Variants in LRMDA observed in about 807,000 individuals in gnomAD.
The protein encoded by LRMDA is leucine-rich melanocyte differentiation-associated protein.
A neutral mutation model predicts 29.8 loss-of-function variants in LRMDA; 18 were observed. The observed-to-expected ratio is 0.60, with a 90% CI of 0.42 to 0.90. The LOEUF (loss-of-function observed/expected upper bound fraction) is 0.90. Among genes scored for constraint, LRMDA ranks in the 40% least tolerant of loss-of-function variants. The probability of loss-of-function intolerance (pLI) is 0.00; values close to 1 mark genes in which losing one functional copy is unlikely to be tolerated. For missense variants in LRMDA, 273 were observed against 273.9 expected (o/e 1.00, Z 0.02); for synonymous variants, 125 against 109.4 (o/e 1.14, Z -0.89).
At chr10:76,115,455 T>C (rs1849652971) in intron 5 of LRMDA, among the ~76,000 whole-genome samples, 1 of 152,200 alleles carries the variant, frequency 6.6e-6, no homozygotes, top group Non-Finnish European at 1.5e-5. Context: ...TTGATAGGCA[T>C]CAGACACTTT....
At chr10:75,677,900 A>G (rs1841979920) in intron 2 of LRMDA, among the ~76,000 whole-genome samples, 1 of 152,180 alleles carries the variant, frequency 6.6e-6, no homozygotes, top group Non-Finnish European at 1.5e-5. Flanking sequence ...ATGTGAATGA[A>G]ACATAAGGAT....
At chr10:75,673,282 T>C (rs1841922190) in intron 2 of LRMDA, among the ~76,000 whole-genome samples, 1 of 152,174 alleles carries the variant, frequency 6.6e-6, no homozygotes, top group African/African-American at 2.4e-5. Flanking sequence ...AAATGCGAAG[T>C]AGAAGAAATC....
At chr10:75,812,163 A>C (rs1218707243) in intron 2 of LRMDA, among the ~76,000 whole-genome samples, 1 of 66,294 alleles carries the variant, frequency 1.5e-5, no homozygotes, top group Non-Finnish European at 2.8e-5. Context: ...AGTTTGCTTC[A>C]TATGTCTTTT....
intron 1 of LRMDA, among the ~76,000 whole-genome samples, chr10:75,433,496 A>C (rs2132018198): frequency 6.6e-6 from 1 of 152,052 alleles, no homozygotes; most frequent in Admixed American, 6.5e-5. Flanking sequence ...CATTTCCTAA[A>C]CTGCCCAGGT....
intron 2 of LRMDA, among the ~76,000 whole-genome samples, chr10:75,631,761 A>C (rs1441088469): frequency 6.6e-6 from 1 of 152,046 alleles, no homozygotes; most frequent in African/African-American, 2.4e-5. Context: ...CATTGTTTCC[A>C]TAGATTTGCA....
chr10:76,478,084 G>A (rs1842695809), intron 6 of LRMDA, among the ~76,000 whole-genome samples: 1 of 152,052 alleles, frequency 6.6e-6, no homozygotes, highest in South Asian at 2.1e-4. Flanking sequence ...CTTCTGCACA[G>A]CAAAAGAAAC....
chr10:76,315,809 G>A (rs574259922), intron 5 of LRMDA, among the ~76,000 whole-genome samples: 3 of 152,056 alleles, frequency 2.0e-5, no homozygotes, highest in Non-Finnish European at 4.4e-5. Flanking sequence ...TCCCCCTCCT[G>A]GAGTGAGAAT....
intron 6 of LRMDA, among the ~76,000 whole-genome samples, chr10:76,459,179 GA>G (rs1415949522): frequency 1.3e-5 from 2 of 152,154 alleles, no homozygotes; most frequent in African/African-American, 4.8e-5. Context: ...GGGCTGGCTG[GA>G]AATCAAAACC....
At position 76,549,199 on chromosome 10, in the gene LRMDA, G is replaced by A. The variant is rs1460486241; in HGVS notation, c.602-8010G>A. Among the ~76,000 whole-genome samples, 6 of 152,254 alleles carry A rather than the reference G, an allele frequency of 3.9e-5. No individual in the cohort carries two copies. The South Asian group carries it at 1.0e-3, about 26-fold the overall frequency. On this transcript the variant is annotated intron_variant, in intron 6 of 6. Transcript: ENST00000611255. ...AGGCTCTGGTTTGTCACACGACAAT[G>A]AGCCTGCCCACTCTGTGACTACCTG...
At chr10:75,661,915 G>A (rs1479559673) in intron 2 of LRMDA, among the ~76,000 whole-genome samples, 1 of 152,116 alleles carries the variant, frequency 6.6e-6, no homozygotes, top group African/African-American at 2.4e-5. Context: ...GGTTTCATAA[G>A]GCTGTTTCTC....
intron 5 of LRMDA, among the ~76,000 whole-genome samples, chr10:76,111,033 G>T (rs1028335758): frequency 2.0e-5 from 3 of 150,550 alleles, no homozygotes; most frequent in African/African-American, 4.9e-5. Context: ...TGTTCATTTT[G>T]TTTTTTTTTC....
chr10:75,464,615 A>T (rs1015883669), intron 2 of LRMDA, among the ~76,000 whole-genome samples: 1 of 152,240 alleles, frequency 6.6e-6, no homozygotes, highest in Non-Finnish European at 1.5e-5. Context: ...TGCTGGGGCT[A>T]AAATGGAGTC....
At chr10:76,188,610 T>C (rs1007930245) in intron 5 of LRMDA, among the ~76,000 whole-genome samples, 4 of 150,626 alleles carry the variant, frequency 2.7e-5, no homozygotes, top group Non-Finnish European at 5.9e-5. Context: ...ACTTCCAAAG[T>C]GTACATACAA....
intron 2 of LRMDA, among the ~76,000 whole-genome samples, chr10:75,720,516 A>G (rs942573355): frequency 3.3e-5 from 5 of 152,188 alleles, no homozygotes; most frequent in African/African-American, 9.7e-5. Context: ...CTGTGAGTGG[A>G]AATGCCTTCG....
intron 5 of LRMDA, among the ~76,000 whole-genome samples, chr10:76,095,005 C>T (rs1466828834): frequency 1.3e-5 from 2 of 151,958 alleles, no homozygotes; most frequent in Admixed American, 6.6e-5. Context: ...TAAAATTTAC[C>T]CTTAGTGTAG....
chr10:76,253,609 CA>C (rs1852527003), intron 5 of LRMDA, among the ~76,000 whole-genome samples: 1 of 151,910 alleles, frequency 6.6e-6, no homozygotes, highest in Admixed American at 6.6e-5. Flanking sequence ...ACTATCTTTT[CA>C]ACGTGCTCAT....
chr10:75,690,731 G>A (rs1196671541), intron 2 of LRMDA, among the ~76,000 whole-genome samples: 1 of 151,910 alleles, frequency 6.6e-6, no homozygotes, highest in African/African-American at 2.4e-5. Flanking sequence ...ACTGAGGAGG[G>A]AGGATCGCTT....
intron 5 of LRMDA, among the ~76,000 whole-genome samples, chr10:76,296,092 C>A (rs745340760): frequency 1.3e-5 from 2 of 152,198 alleles, no homozygotes; most frequent in Admixed American, 6.5e-5. Context: ...GATCACCACA[C>A]AGAACCAACT....
intron 5 of LRMDA, among the ~76,000 whole-genome samples, chr10:76,151,557 T>C (rs1003777460): frequency 6.6e-6 from 1 of 152,234 alleles, no homozygotes; most frequent in Non-Finnish European, 1.5e-5. Flanking sequence ...AGATATTTAT[T>C]TTATGTGTGG....
Sources: gnomAD v4.1 joint callset for allele counts (sites outside exome capture counted in the v4.1 genomes callset) on GRCh38, gnomAD v4.1.1 for gene constraint, MANE v1.5 for transcripts, NCBI Gene and HGNC (gene_info 2026-07-23, HGNC 2026-07-21) for gene names.